Variants in PNPLA8 observed in about 807,000 individuals in gnomAD.
PNPLA8 encodes the protein patatin like domain 8, phospholipase A2, also known as calcium-independent phospholipase A2-gamma.
PNPLA8 carries 39 observed loss-of-function variants against 76.9 expected under a neutral mutation model. The observed-to-expected ratio is 0.51, with a 90% confidence interval of 0.39 to 0.66. The LOEUF (loss-of-function observed/expected upper bound fraction) is 0.66. Among genes scored for constraint, PNPLA8 ranks in the 30% least tolerant of loss-of-function variants. PNPLA8 has a pLI of 0.00. For missense variants in PNPLA8, 887 were observed against 918.0 expected (o/e 0.97, Z 0.44); for synonymous variants, 301 against 307.9 (o/e 0.98, Z 0.24).
chr7:108,511,009 T>A, intron 4 of PNPLA8: 1 of 1,282,312 alleles, frequency 7.8e-7, no homozygotes, highest in Non-Finnish European at 1.1e-6. Flanking sequence ...CTAAGCTGGT[T>A]GGTTAATAAA....
At chr7:108,518,604 G>C (rs1335649487) in intron 2 of PNPLA8, among the ~76,000 whole-genome samples, 1 of 151,512 alleles carries the variant, frequency 6.6e-6, no homozygotes, top group Non-Finnish European at 1.5e-5. Flanking sequence ...TCAGGGTAGG[G>C]GGTATATGGA....
At position 108,479,339 on chromosome 7, in the gene PNPLA8, A is replaced by G. The variant is rs941731423; in HGVS notation, c.1919T>C (p.Met640Thr). ...LLLNNPSALAMHECKCLWPDV... is the reference protein window; with the variant it reads ...LLLNNPSALATHECKCLWPDV... ...TGGCCAAAGACATTTACACTCATGC[A>G]TAGCTAATGCCGAAGGGTTATTCAG... Residue 640 changes from methionine to threonine, a missense_variant, in exon 10 of 11, where the codon ATG becomes ACG. Physicochemically the swap from Met to Thr is moderately conservative, Grantham distance 81. Coordinates refer to ENST00000257694, the MANE Select transcript of PNPLA8 (RefSeq NM_001256007.3). 3 of 1,613,858 alleles carry G rather than the reference A, an allele frequency of 1.9e-6. No individual in the cohort carries two copies. Among genetic ancestry groups the G allele is most frequent in the Non-Finnish European group, 2.5e-6 (3 of 1,179,774 alleles).
Position 108,497,527 on chromosome 7 carries a change from T to C in PNPLA8, c.1409A>G (p.Lys470Arg), listed in dbSNP as rs1452506896. The change falls in exon 6 of 11, where the codon AAG (lysine) becomes AGG (arginine). Residue 470 changes from lysine to arginine, a missense_variant. Transcript: ENST00000257694. ...GTAATCAAAGAGCTGATGAACTGGC[T>C]TCTGAGTAAGTTCAACTAATTTTCG... ...TLRKLVELTQKPVHQLFDYIC... is the reference protein window; with the variant it reads ...TLRKLVELTQRPVHQLFDYIC... 1 of 1,612,482 alleles carries C rather than the reference T, an allele frequency of 6.2e-7. No homozygotes were observed. Among genetic ancestry groups the C allele is most frequent in the Admixed American group, 1.7e-5 (1 of 59,802 alleles).
chr7:108,519,624 A>C (rs1036629400), intron 2 of PNPLA8, among the ~76,000 whole-genome samples: 2 of 152,180 alleles, frequency 1.3e-5, no homozygotes, highest in African/African-American at 4.8e-5. Context: ...AGAGAAAAAA[A>C]GCAAAGCCTG....
chr7:108,512,619 A>C (rs1164105380), intron 4 of PNPLA8, among the ~76,000 whole-genome samples: 3 of 152,226 alleles, frequency 2.0e-5, no homozygotes, highest in African/African-American at 7.2e-5. Flanking sequence ...ATCATTTTTA[A>C]AAAGCTCAAC....
At chr7:108,487,554 C>T (rs940502081) in intron 9 of PNPLA8, among the ~76,000 whole-genome samples, 2 of 152,190 alleles carry the variant, frequency 1.3e-5, no homozygotes, top group African/African-American at 2.4e-5. Context: ...AACACAAAAA[C>T]TTTCTTAAAA....
chr7:108,503,715 T>G (rs532008196), intron 4 of PNPLA8, among the ~76,000 whole-genome samples: 1 of 152,282 alleles, frequency 6.6e-6, no homozygotes, highest in South Asian at 2.1e-4. Context: ...GGAAGTGAGC[T>G]GGTAAACTAT....
chr7:108,522,239 A>C (rs1863791359), intron 1 of PNPLA8, among the ~76,000 whole-genome samples: 1 of 151,392 alleles, frequency 6.6e-6, no homozygotes, highest in African/African-American at 2.4e-5. Flanking sequence ...GATTGCAGTG[A>C]GCCAAGATCC....
chr7:108,473,200 T>C (rs935037488), intron 10 of PNPLA8, among the ~76,000 whole-genome samples: 8 of 152,338 alleles, frequency 5.3e-5, no homozygotes, highest in African/African-American at 1.9e-4. Flanking sequence ...AGTATCTACC[T>C]TCTTTTATGG....
intron 2 of PNPLA8, among the ~76,000 whole-genome samples, chr7:108,516,856 C>T (rs777384443): frequency 6.6e-6 from 1 of 151,942 alleles, no homozygotes; most frequent in African/African-American, 2.4e-5. Context: ...GAGCCAAGAT[C>T]GTGCCACTGC....
intron 4 of PNPLA8, among the ~76,000 whole-genome samples, chr7:108,511,326 T>C (rs977861077): frequency 4.6e-5 from 7 of 152,202 alleles, no homozygotes; most frequent in Non-Finnish European, 8.8e-5. Context: ...GAGAAGCAGA[T>C]TGTCATCACT....
At chr7:108,506,309 C>T (rs931422233) in intron 4 of PNPLA8, among the ~76,000 whole-genome samples, 18 of 151,864 alleles carry the variant, frequency 1.2e-4, no homozygotes, top group East Asian at 1.2e-3. Context: ...ACCCAGGAGG[C>T]GGAGGTTGCA....
chr7:108,515,624 G>A, intron 2 of PNPLA8, 50 bp from the exon 3 acceptor site: 4 of 1,124,798 alleles, frequency 3.6e-6, no homozygotes, highest in South Asian at 7.0e-5. Context: ...ATTGAAATTG[G>A]GTATAACAGA....
intron 4 of PNPLA8, among the ~76,000 whole-genome samples, chr7:108,505,817 G>T (rs1182582193): frequency 6.6e-6 from 1 of 152,046 alleles, no homozygotes; most frequent in Non-Finnish European, 1.5e-5. Flanking sequence ...ATAGGAGAAC[G>T]ATTTGTAAGA....
intron 10 of PNPLA8, among the ~76,000 whole-genome samples, chr7:108,474,251 G>A (rs1859823224): frequency 6.6e-6 from 1 of 152,032 alleles, no homozygotes; most frequent in African/African-American, 2.4e-5. Context: ...AGGTCATTAA[G>A]ATTTTCTCCA....
intron 1 of PNPLA8, among the ~76,000 whole-genome samples, chr7:108,524,886 G>A (rs1227852439): frequency 6.6e-6 from 1 of 152,080 alleles, no homozygotes; most frequent in African/African-American, 2.4e-5. Context: ...TATATTCCAT[G>A]AGTGAAGCAA....
chr7:108,479,217 A>T lies in PNPLA8; in HGVS notation c.2041T>A (p.Ser681Thr). The T allele has an allele frequency of 6.2e-7, 1 of 1,613,242 alleles. No individual in the cohort carries two copies. Among genetic ancestry groups the T allele is most frequent in the Non-Finnish European group, 8.5e-7 (1 of 1,179,214 alleles). The change falls in exon 10 of 11, where the codon TCT becomes ACT. Residue 681 changes from serine (S) to threonine (T), a missense_variant. Coordinates refer to ENST00000257694, the MANE Select transcript of PNPLA8 (RefSeq NM_001256007.3). The stretch of plus-strand genomic sequence containing the variant: ...TCTGTAGCACTGTTGATAACATTAG[A>T]AAGTTTAGTTTTCAAGCTTGTGTAT... ...VTYTSLKTKL[S>T]NVINSATDTE...
At position 108,491,465 on chromosome 7, in the gene PNPLA8, T is replaced by C. The variant is rs1385310043; in HGVS notation, c.1628A>G (p.Asp543Gly). The C allele has an allele frequency of 1.9e-6, 3 of 1,591,542 alleles. No homozygotes were observed. The highest frequency in any genetic ancestry group is 4.5e-5 in the East Asian group (2 of 44,718). The change falls in exon 8 of 11, where the codon GAT (aspartate) becomes GGT (glycine). Residue 543 changes from aspartate to glycine, a missense_variant and splice_region_variant. Coordinates refer to ENST00000257694, the MANE Select transcript of PNPLA8 (RefSeq NM_001256007.3). ...DSQTWENILK[D>G]RMGSALMIET... Reference sequence around the variant, plus strand: ...AATCATCAGTGCAGATCCCATCCTATCCCTTTATTAAAGGAGAAAAAAATA... The same window carrying C: ...AATCATCAGTGCAGATCCCATCCTACCCCTTTATTAAAGGAGAAAAAAATA...
intron 4 of PNPLA8, among the ~76,000 whole-genome samples, chr7:108,505,529 A>C (rs924692501): frequency 1.3e-4 from 19 of 150,336 alleles, no homozygotes; most frequent in African/African-American, 4.7e-4. Context: ...AGCCCAGCTA[A>C]TTTTTGTATT....
Sources: gnomAD v4.1 joint callset for allele counts (sites outside exome capture counted in the v4.1 genomes callset) on GRCh38, gnomAD v4.1.1 for gene constraint, MANE v1.5 for transcripts, NCBI Gene and HGNC (gene_info 2026-07-23, HGNC 2026-07-21) for gene names.